TSPAN4: variants seen among roughly 807,000 people sequenced by gnomAD.
TSPAN4 encodes the protein tetraspanin-4.
TSPAN4 carries 38 observed loss-of-function variants against 31.5 expected under a neutral mutation model. That is an observed-to-expected ratio of 1.21 (90% CI 0.93 to 1.58). The LOEUF (loss-of-function observed/expected upper bound fraction) is 1.58, where lower values mean the gene tolerates loss of function less well. Ranked by LOEUF, TSPAN4 falls within the 40% of genes most tolerant of loss-of-function variation. The pLI, the probability that TSPAN4 is intolerant of heterozygous loss-of-function variation, is 0.00. For synonymous variants in TSPAN4, 186 were observed against 144.6 expected (o/e 1.29, Z -2.06); for missense variants, 330 against 317.3 (o/e 1.04, Z -0.30).
chr11:848,982 C>T lies in TSPAN4; in HGVS notation c.-17-1306C>T, dbSNP rs905140338. The T allele has an allele frequency of 1.6e-6, 1 of 644,082 alleles. No individual in the cohort carries two copies. The highest frequency in any genetic ancestry group is 2.9e-6 in the Non-Finnish European group (1 of 350,640). 39.9% of individuals were successfully genotyped at this position (644,082 alleles called of 1,614,324 possible). A position where few individuals can be genotyped will look rare whatever the true frequency, so the allele number is the denominator to read the frequency against. On this transcript the variant is annotated intron_variant, in intron 2 of 8. Transcript: ENST00000397397. This position sits in a 1 kb window ranked among gnomAD's most constrained non-coding sequence, Gnocchi z 5.7. ...TGGGGTGGGGTCTTTTACAGGCTGA[C>T]TTCCAGCCTGGGCTGGAGCAAAATG... is the stretch of plus-strand genomic sequence containing the variant.
At position 848,500 on chromosome 11, in the gene TSPAN4, C is replaced by G. The variant is rs1290049329; in HGVS notation, c.-18+1200C>G. Among the ~76,000 whole-genome samples, 4 of 151,926 alleles carry G rather than the reference C, an allele frequency of 2.6e-5. No homozygotes were observed. The East Asian group carries it at 7.8e-4, about 30-fold the overall frequency. On this transcript the variant is annotated intron_variant, in intron 2 of 8. Transcript: ENST00000397397. The surrounding 1 kb of genome is among the most constrained non-coding windows in gnomAD (Gnocchi z 5.7). Reference sequence around the variant, plus strand: ...GGGGGGCAGCAGAGGCTTGGGGCACCCAGCCCAGGTCGTCAGGGGTGGGCA... The same window carrying G: ...GGGGGGCAGCAGAGGCTTGGGGCACGCAGCCCAGGTCGTCAGGGGTGGGCA...
At chr11:862,779 C>T in intron 4 of TSPAN4, 38 bp downstream of exon 4, 1 of 1,562,824 alleles carries the variant, frequency 6.4e-7, no homozygotes, top group Non-Finnish European at 8.7e-7. Flanking sequence ...CGGGTGGGAC[C>T]ACGCAGGGTG....
At chr11:853,061 T>C (rs139635984) in intron 3 of TSPAN4, among the ~76,000 whole-genome samples, 2 of 144,332 alleles carry the variant, frequency 1.4e-5, no homozygotes, top group South Asian at 4.5e-4. Flanking sequence ...TGGCTGTGGG[T>C]GTGGGGGCAG....
chr11:856,470 C>G (rs1848049470), intron 3 of TSPAN4, among the ~76,000 whole-genome samples: 1 of 152,220 alleles, frequency 6.6e-6, no homozygotes, highest in South Asian at 2.1e-4. Flanking sequence ...CTGGGCTGTT[C>G]CCCCAGCTGC....
chr11:866,089 C>T, intron 8 of TSPAN4, 88 bp downstream of exon 8: 2 of 1,422,078 alleles, frequency 1.4e-6, no homozygotes, highest in Non-Finnish European at 1.9e-6. Context: ...ACCTTGCCCC[C>T]AGGAACCCAC....
chr11:845,972 A>G (rs907109912), intron 1 of TSPAN4, among the ~76,000 whole-genome samples: 1 of 152,138 alleles, frequency 6.6e-6, no homozygotes, highest in South Asian at 2.1e-4. Flanking sequence ...GGGACCCCCC[A>G]GGGTGAGGGC....
chr11:853,362 G>A (rs1847862597), intron 3 of TSPAN4, among the ~76,000 whole-genome samples: 1 of 152,188 alleles, frequency 6.6e-6, no homozygotes, highest in Non-Finnish European at 1.5e-5. Flanking sequence ...TTTGGGTCCA[G>A]GCCTGAGCCC....
intron 3 of TSPAN4, among the ~76,000 whole-genome samples, chr11:861,490 A>G (rs1441274020): frequency 6.6e-6 from 1 of 152,144 alleles, no homozygotes; most frequent in African/African-American, 2.4e-5. Context: ...AGGTGGGTGG[A>G]TCACGAGGTT....
intron 2 of TSPAN4, 78 bp from the exon 3 acceptor site, chr11:850,210 C>G: frequency 8.0e-7 from 1 of 1,255,280 alleles, no homozygotes; most frequent in South Asian, 1.4e-5. Flanking sequence ...CCCAAGGCGG[C>G]CCAGGCGCGC....
In TSPAN4 at chr11:866,799, A is replaced by C; in HGVS notation, c.*169A>C. 1.5e-6 allele frequency: 1 copy of C among 672,634 alleles called. No individual in the cohort carries two copies. Among genetic ancestry groups the C allele is most frequent in the South Asian group, 2.1e-5 (1 of 47,704 alleles). 41.7% of individuals were successfully genotyped at this position (672,634 alleles called of 1,614,324 possible). ...CCCTGTTTCTGGAAGGCCCTAGCTCAGGTGGCTTCAGGGCCTCCGGACCCC... is the reference window on the plus strand; with the variant it reads ...CCCTGTTTCTGGAAGGCCCTAGCTCCGGTGGCTTCAGGGCCTCCGGACCCC... On this transcript the variant is annotated 3_prime_UTR_variant, in exon 9 of 9. Transcript: ENST00000397397.
intron 2 of TSPAN4, among the ~76,000 whole-genome samples, chr11:847,734 G>A (rs1847400907): frequency 6.6e-6 from 1 of 152,006 alleles, no homozygotes; most frequent in Non-Finnish European, 1.5e-5. Context: ...GGGAAAGGGG[G>A]TGGGAGGGGT....
intron 3 of TSPAN4, among the ~76,000 whole-genome samples, chr11:850,626 C>CCT (rs1324327076): frequency 2.6e-5 from 4 of 152,210 alleles, no homozygotes; most frequent in Non-Finnish European, 2.9e-5. Context: ...CCTCTCCTCT[C>CCT]CTCTCCTCAC....
At position 862,603 on chromosome 11, in the gene TSPAN4, G is replaced by C; in HGVS notation, c.117G>C (p.Gly39=). The change falls in exon 4 of 9, where the codon GGG becomes GGC. Residue 39 remains glycine, a synonymous_variant. Coordinates refer to ENST00000397397, the MANE Select transcript of TSPAN4 (RefSeq NM_003271.5). ...GCATCTGGCTGGCCGCCACACAGGG[G>C]AGCTTCGCCACGCTGTCCTCTTCCT... ...GVGIWLAATQ[G]SFATLSSSFP... is the part of the protein sequence containing the mutation. 5 of 1,612,944 alleles carry C rather than the reference G, an allele frequency of 3.1e-6. No individual in the cohort carries two copies. The highest frequency in any genetic ancestry group is 4.2e-6 in the Non-Finnish European group (5 of 1,179,784).
chr11:864,573 G>A, intron 5 of TSPAN4, 62 bp downstream of exon 5: 1 of 1,593,488 alleles, frequency 6.3e-7, no homozygotes, highest in Non-Finnish European at 8.6e-7. Flanking sequence ...CACTCCCAGG[G>A]AGCACTGTGG....
At chr11:850,600 C>T (rs1235918249) in intron 3 of TSPAN4, among the ~76,000 whole-genome samples, 1 of 151,294 alleles carries the variant, frequency 6.6e-6, no homozygotes, top group Non-Finnish European at 1.5e-5. Context: ...GGCTGCCCCA[C>T]GCCCTGGTCC....
At chr11:857,464 A>G (rs956946225) in intron 3 of TSPAN4, 5 of 125,148 alleles carry the variant, frequency 4.0e-5, no homozygotes, top group Non-Finnish European at 6.2e-5. Context: ...GTGCAGTGGC[A>G]TGATGTCTGC....
chr11:857,320 G>T (rs1848107991), intron 3 of TSPAN4: 1 of 151,898 alleles, frequency 6.6e-6, no homozygotes, highest in Admixed American at 6.6e-5. Context: ...GGCGAGGGGA[G>T]CTTGGAACAG....
At position 848,818 on chromosome 11, in the gene TSPAN4, G is replaced by A; in HGVS notation, c.-17-1470G>A. The A allele has an allele frequency of 1.6e-6, 1 of 631,980 alleles. No individual in the cohort carries two copies. The highest frequency in any genetic ancestry group is 2.9e-6 in the Non-Finnish European group (1 of 342,986). The allele number at this position is 631,980 out of a possible 1,614,324, so 39.1% of individuals were successfully genotyped here. On this transcript the variant is annotated intron_variant, in intron 2 of 8. Coordinates refer to ENST00000397397, the MANE Select transcript of TSPAN4 (RefSeq NM_003271.5). This position sits in a 1 kb window ranked among gnomAD's most constrained non-coding sequence, Gnocchi z 5.7. ...GGTGGGGCTGGGGCTTCAGAGGCGTGGGGTAGGCTGCAGGGCACAGCTGGG... is the reference window on the plus strand; with the variant it reads ...GGTGGGGCTGGGGCTTCAGAGGCGTAGGGTAGGCTGCAGGGCACAGCTGGG...
chr11:846,555 G>C (rs908824801), intron 1 of TSPAN4, among the ~76,000 whole-genome samples: 3 of 152,194 alleles, frequency 2.0e-5, no homozygotes, highest in Admixed American at 1.3e-4. Context: ...ACTGCGTTTG[G>C]CTGCCCAGGT....
Sources: gnomAD v4.1 joint callset for allele counts (sites outside exome capture counted in the v4.1 genomes callset) on GRCh38, gnomAD v4.1.1 for gene constraint, Gnocchi (gnomAD v3.1) non-coding constraint, MANE v1.5 for transcripts, NCBI Gene and HGNC (gene_info 2026-07-23, HGNC 2026-07-21) for gene names.